WDR27: variants seen among roughly 807,000 people sequenced by gnomAD.
WDR27 encodes the protein WD repeat domain 27.
Under a neutral mutation model 114.4 loss-of-function variants are expected in WDR27, and 100 were observed. The observed-to-expected ratio is 0.87, with a 90% CI of 0.74 to 1.03. The LOEUF is 1.03. WDR27 is among the 50% of genes least tolerant of loss of function. The pLI is 0.00. For synonymous variants in WDR27, 449 were observed against 423.1 expected, an observed-to-expected ratio of 1.06 and a Z score of -0.75; for missense variants, 1,129 against 1,092.9, an observed-to-expected ratio of 1.03 and a Z score of -0.47.
At chr6:169,432,340 A>G in the WDR27 span, among the ~76,000 whole-genome samples, 1 of 152,334 alleles carries the variant, frequency 6.6e-6, no homozygotes, top group East Asian at 1.9e-4. Context: ...AATCCAGTAT[A>G]CTGGTAACTG....
intron 25 of WDR27, among the ~76,000 whole-genome samples, chr6:169,516,224 A>G (rs532780942): frequency 1.3e-5 from 2 of 152,322 alleles, no homozygotes; most frequent in South Asian, 2.1e-4. Flanking sequence ...CTGCTGTAGT[A>G]AGAAATAAGG....
chr6:169,472,788 A>G (rs975524532), intron 25 of WDR27, among the ~76,000 whole-genome samples: 1 of 152,176 alleles, frequency 6.6e-6, no homozygotes, highest in African/African-American at 2.4e-5. Flanking sequence ...AACATATCTG[A>G]TTTCATGTTG....
chr6:169,595,429 A>G (rs1376733085), intron 23 of WDR27, among the ~76,000 whole-genome samples: 1 of 152,162 alleles, frequency 6.6e-6, no homozygotes, highest in African/African-American at 2.4e-5. Flanking sequence ...CCCAATAGTG[A>G]GGTTGTCTAG....
intron 25 of WDR27, among the ~76,000 whole-genome samples, chr6:169,480,508 G>C (rs1787855362): frequency 6.6e-6 from 1 of 152,258 alleles, no homozygotes; most frequent in Non-Finnish European, 1.5e-5. Context: ...GGGCTCCTGA[G>C]TCGGGTGGGG....
chr6:169,603,559 G>T (rs1450662139), intron 22 of WDR27, among the ~76,000 whole-genome samples: 3 of 152,154 alleles, frequency 2.0e-5, no homozygotes, highest in African/African-American at 7.2e-5. Context: ...AAGTAGAGAT[G>T]CATATTATGC....
intron 2 of WDR27, among the ~76,000 whole-genome samples, chr6:169,677,494 T>C (rs935196760): frequency 1.4e-5 from 2 of 147,462 alleles, no homozygotes; most frequent in Non-Finnish European, 3.1e-5. Flanking sequence ...GGAATTTATA[T>C]TTAAAAGGAA....
At chr6:169,585,010 T>C (rs1467218912) in intron 23 of WDR27, among the ~76,000 whole-genome samples, 1 of 152,152 alleles carries the variant, frequency 6.6e-6, no homozygotes, top group Non-Finnish European at 1.5e-5. Context: ...AATCTAAATG[T>C]ATATGGACAA....
chr6:169,464,271 C>T (rs1237687464), intron 25 of WDR27, among the ~76,000 whole-genome samples: 1 of 152,168 alleles, frequency 6.6e-6, no homozygotes, highest in Non-Finnish European at 1.5e-5. Flanking sequence ...GCTCCAAGAC[C>T]ATTCAATGGA....
intron 1 of WDR27, among the ~76,000 whole-genome samples, chr6:169,690,581 C>T (rs1784226251): frequency 6.6e-6 from 1 of 152,206 alleles, no homozygotes; most frequent in Admixed American, 6.5e-5. Context: ...CAGCACTTCA[C>T]ACAATCTAAA....
the WDR27 span, among the ~76,000 whole-genome samples, chr6:169,442,040 G>A: frequency 6.6e-6 from 1 of 152,330 alleles, no homozygotes; most frequent in Middle Eastern, 3.4e-3. Flanking sequence ...CCCCTGACTT[G>A]TGATGGCCAT....
At chr6:169,430,910 G>T in the WDR27 span, among the ~76,000 whole-genome samples, 1 of 152,180 alleles carries the variant, frequency 6.6e-6, no homozygotes, top group Non-Finnish European at 1.5e-5. Context: ...TGAAGAAATG[G>T]ATGATATGAA....
chr6:169,534,342 G>A (rs1795975366), intron 25 of WDR27, among the ~76,000 whole-genome samples: 1 of 152,044 alleles, frequency 6.6e-6, no homozygotes. Context: ...CATTGGTCTT[G>A]GTTTTCTAAT....
intron 25 of WDR27, among the ~76,000 whole-genome samples, chr6:169,495,326 C>T (rs989214399): frequency 1.3e-5 from 2 of 152,050 alleles, no homozygotes; most frequent in African/African-American, 2.4e-5. Context: ...TAGAGCTATA[C>T]ATGCTTACAT....
chr6:169,485,661 T>C (rs1234375936), intron 25 of WDR27, among the ~76,000 whole-genome samples: 1 of 152,218 alleles, frequency 6.6e-6, no homozygotes, highest in Non-Finnish European at 1.5e-5. Flanking sequence ...TTGTTGGGTA[T>C]ATACCCAAAG....
At chr6:169,449,401 C>T in the WDR27 span, among the ~76,000 whole-genome samples, 1 of 152,304 alleles carries the variant, frequency 6.6e-6, no homozygotes, top group South Asian at 2.1e-4. Flanking sequence ...TCTATGGAGA[C>T]AAAGGAAAAT....
At chr6:169,664,322 A>G in intron 7 of WDR27, 36 bp from the exon 8 acceptor site, 1 of 1,613,088 alleles carries the variant, frequency 6.2e-7, no homozygotes, top group South Asian at 1.1e-5. Flanking sequence ...ATGGCGCTGC[A>G]GCAAGGGTCC....
intron 25 of WDR27, among the ~76,000 whole-genome samples, chr6:169,536,515 T>G (rs1266947990): frequency 6.6e-6 from 1 of 152,236 alleles, no homozygotes; most frequent in Non-Finnish European, 1.5e-5. Flanking sequence ...ACTGGTCTTA[T>G]TCTGACACGG....
Position 169,567,266 on chromosome 6 carries a change from C to T in WDR27, c.2645+5153G>A, listed in dbSNP as rs548673993. 3.9e-5 allele frequency among the ~76,000 whole-genome samples: 6 copies of T among 152,302 alleles called. No individual in the cohort carries two copies. The South Asian group carries it at 1.2e-3, about 32-fold the overall frequency. The stretch of plus-strand genomic sequence containing the variant: ...GTGATAAACACCATTTGAACGGGGC[C>T]CTTCCCTGCAGGTGTGAGGAGTCCA... On this transcript the variant is annotated intron_variant, in intron 25 of 25. Transcript: ENST00000448612.
intron 2 of WDR27, among the ~76,000 whole-genome samples, chr6:169,677,351 G>A (rs1218555040): frequency 6.6e-6 from 1 of 152,258 alleles, no homozygotes; most frequent in African/African-American, 2.4e-5. Context: ...GGGCTCTGTG[G>A]AAGCTTAAAC....
Sources: allele counts gnomAD v4.1 joint callset (sites outside exome capture counted in the v4.1 genomes callset), GRCh38; gene constraint gnomAD v4.1.1; transcripts MANE v1.5; gene names NCBI Gene and HGNC (gene_info 2026-07-23, HGNC 2026-07-21).